Variants in NCALD observed in about 807,000 individuals in gnomAD.
NCALD encodes the protein neurocalcin delta.
Under a neutral mutation model 18.6 loss-of-function variants are expected in NCALD, and 10 were observed. The observed-to-expected ratio is 0.54, with a 90% confidence interval of 0.33 to 0.91. The LOEUF (loss-of-function observed/expected upper bound fraction) is 0.91, where lower values mean the gene tolerates loss of function less well. Ranked by LOEUF, NCALD falls within the 40% of genes least tolerant of loss-of-function variation. NCALD has a pLI of 0.03. For missense variants in NCALD, 184 were observed against 247.6 expected (o/e 0.74, Z 1.72); for synonymous variants, 88 against 87.4 (o/e 1.01, Z -0.04).
At chr8:101,988,902 GAAA>G (rs35196499) in intron 2 of NCALD, among the ~76,000 whole-genome samples, 2,598 of 65,898 alleles carry the variant, frequency 0.039, 30 homozygotes, top group East Asian at 0.12. Context: ...GGTGCCAGCA[GAAA>G]AAAAAAAAAA....
chr8:101,690,917 C>G (rs1814697189), intron 3 of NCALD: 2 of 985,210 alleles, frequency 2.0e-6, no homozygotes, highest in Non-Finnish European at 2.4e-6. Flanking sequence ...CAGGGGCAGA[C>G]CTGGAGCTCG....
intron 1 of NCALD, among the ~76,000 whole-genome samples, chr8:102,052,032 G>C (rs1823474854): frequency 6.6e-6 from 1 of 152,192 alleles, no homozygotes; most frequent in African/African-American, 2.4e-5. Flanking sequence ...CATCTACAAA[G>C]AAGCTGAATG....
At chr8:102,084,203 TTC>T (rs1256948038) in intron 1 of NCALD, among the ~76,000 whole-genome samples, 2 of 152,210 alleles carry the variant, frequency 1.3e-5, no homozygotes, top group African/African-American at 4.8e-5. Context: ...ACCCTAAAAT[TTC>T]TTTTATTACA....
intron 1 of NCALD, among the ~76,000 whole-genome samples, chr8:102,050,847 TTTAA>T (rs897968521): frequency 3.8e-4 from 56 of 146,730 alleles, no homozygotes; most frequent in African/African-American, 1.1e-3. Context: ...TCATTTTTAA[TTTAA>T]TTAATTAATT....
chr8:102,079,575 C>A (rs751139282), intron 1 of NCALD, among the ~76,000 whole-genome samples: 1 of 152,204 alleles, frequency 6.6e-6, no homozygotes, highest in Non-Finnish European at 1.5e-5. Context: ...ATATAAACGA[C>A]TCTGTTGCCC....
intron 2 of NCALD, among the ~76,000 whole-genome samples, chr8:101,935,659 T>C (rs961739279): frequency 6.6e-6 from 1 of 152,004 alleles, no homozygotes; most frequent in Non-Finnish European, 1.5e-5. Flanking sequence ...GGGGAGGTAA[T>C]TCTGAGTGGA....
chr8:101,701,765 C>G (rs930498146), intron 2 of NCALD, among the ~76,000 whole-genome samples: 2 of 152,106 alleles, frequency 1.3e-5, no homozygotes, highest in Non-Finnish European at 2.9e-5. Flanking sequence ...ACCAGACACC[C>G]ACGTCTCTCT....
chr8:102,065,994 A>C (rs1823996262), intron 1 of NCALD, among the ~76,000 whole-genome samples: 1 of 152,214 alleles, frequency 6.6e-6, no homozygotes, highest in African/African-American at 2.4e-5. Flanking sequence ...GACAATAAGT[A>C]AGTCTTTAGA....
intron 2 of NCALD, among the ~76,000 whole-genome samples, chr8:101,949,754 T>C (rs1481182835): frequency 7.0e-6 from 1 of 143,150 alleles, no homozygotes; most frequent in East Asian, 2.1e-4. Context: ...AACTGAATGA[T>C]CCTTATGCCC....
chr8:101,735,598 A>T (rs1186426638), intron 1 of NCALD, among the ~76,000 whole-genome samples: 1 of 152,242 alleles, frequency 6.6e-6, no homozygotes, highest in Non-Finnish European at 1.5e-5. Context: ...CCAAATGTTG[A>T]TGGGCATACT....
chr8:101,879,500 C>A (rs1355497792), intron 4 of NCALD, among the ~76,000 whole-genome samples: 1 of 151,856 alleles, frequency 6.6e-6, no homozygotes, highest in African/African-American at 2.4e-5. Context: ...AAAGACAGTA[C>A]AGACCCAAAG....
intron 2 of NCALD, among the ~76,000 whole-genome samples, chr8:102,000,394 G>A (rs547461444): frequency 1.5e-4 from 23 of 152,324 alleles, no homozygotes; most frequent in Admixed American, 8.5e-4. Context: ...GCTCAATCTG[G>A]GTAGAGCCCA....
At chr8:101,794,283 C>A (rs1812553021), upstream of NCALD, among the ~76,000 whole-genome samples, 4 of 152,170 alleles carry the variant, frequency 2.6e-5, no homozygotes, top group South Asian at 8.3e-4. Context: ...AGCACACAAC[C>A]CAGAACACAG....
intron 4 of NCALD, among the ~76,000 whole-genome samples, chr8:101,862,464 G>A (rs1298348840): frequency 1.3e-5 from 2 of 152,038 alleles, no homozygotes; most frequent in Admixed American, 6.6e-5. Flanking sequence ...TCAAAGTCTT[G>A]GACAAAAGTT....
intron 4 of NCALD, among the ~76,000 whole-genome samples, chr8:101,854,845 C>T (rs1258940248): frequency 6.6e-6 from 1 of 152,110 alleles, no homozygotes; most frequent in East Asian, 1.9e-4. Flanking sequence ...AACATTCATT[C>T]ATCTTACACA....
At chr8:102,039,860 C>A (rs186556393) in intron 1 of NCALD, among the ~76,000 whole-genome samples, 1 of 152,256 alleles carries the variant, frequency 6.6e-6, no homozygotes, top group East Asian at 1.9e-4. Context: ...ACACTACCCA[C>A]CCCCAAACAC....
chr8:102,030,470 G>A (rs1278200048), intron 1 of NCALD, among the ~76,000 whole-genome samples: 1 of 152,242 alleles, frequency 6.6e-6, no homozygotes, highest in Non-Finnish European at 1.5e-5. Flanking sequence ...GTTCATGTAT[G>A]TATATAAACC....
intron 4 of NCALD, among the ~76,000 whole-genome samples, chr8:101,876,766 T>A (rs926759074): frequency 1.3e-5 from 2 of 152,246 alleles, no homozygotes; most frequent in Admixed American, 6.5e-5. Flanking sequence ...AAAATAATAG[T>A]AAATACTGTT....
intron 2 of NCALD, among the ~76,000 whole-genome samples, chr8:101,999,073 CAAAAAAAAAAAAAA>C (rs34227411): frequency 2.5e-5 from 2 of 79,372 alleles, no homozygotes; most frequent in African/African-American, 9.7e-5. Context: ...CACTCACCAT[CAAAAAAAAAAAAAA>C]AAAAAAAAGC....
Sources: allele counts gnomAD v4.1 joint callset (sites outside exome capture counted in the v4.1 genomes callset), GRCh38; gene constraint gnomAD v4.1.1; transcripts MANE v1.5; gene names NCBI Gene and HGNC (gene_info 2026-07-23, HGNC 2026-07-21).